Variants in ADGRV1 observed in about 807,000 individuals in gnomAD.
ADGRV1 encodes G-protein coupled receptor 98.
A neutral mutation model predicts 596.2 loss-of-function variants in ADGRV1; 359 were observed. The observed-to-expected ratio is 0.60, with a 90% CI of 0.55 to 0.66. ADGRV1 has a LOEUF of 0.66. ADGRV1 is among the 30% of genes least tolerant of loss of function. ADGRV1 has a pLI of 0.00. For synonymous variants in ADGRV1, 2,681 were observed against 2,679.2 expected (o/e 1.00, Z -0.02); for missense variants, 7,274 against 7,575.6 (o/e 0.96, Z 1.48).
intron 86 of ADGRV1, among the ~76,000 whole-genome samples, chr5:91,077,833 T>G (rs778059134): frequency 6.6e-6 from 1 of 152,226 alleles, no homozygotes; most frequent in South Asian, 2.1e-4. Flanking sequence ...TTTTGATCTC[T>G]GGCAACGATA....
intron 86 of ADGRV1, among the ~76,000 whole-genome samples, chr5:91,075,283 T>C (rs1003037487): frequency 3.9e-5 from 6 of 152,164 alleles, no homozygotes; most frequent in African/African-American, 1.4e-4. Context: ...GGTTTGTTTT[T>C]TCCTCTAAGT....
chr5:90,783,920 A>G lies in ADGRV1; in HGVS notation c.13516A>G (p.Ile4506Val). 1 of 1,612,504 alleles carries G rather than the reference A, an allele frequency of 6.2e-7. No homozygotes were observed. Among genetic ancestry groups the G allele is most frequent in the East Asian group, 2.2e-5 (1 of 44,824 alleles). The change falls in exon 67 of 90, where the codon ATA (isoleucine) becomes GTA (valine). Residue 4506 changes from isoleucine (I) to valine (V), a missense_variant. Physicochemically the swap from Ile to Val is conservative, Grantham distance 29. This residue lies in a region of ADGRV1 where 3,643 missense variants were observed against 3,809.2 expected (regional missense o/e 0.96). Transcript: ENST00000405460. The stretch of plus-strand genomic sequence containing the variant: ...TGGGCGCCACCTAGTGAGCAGAATC[A>G]TAATAGCTAAGAGTGACTCTCCCTT... Reference protein sequence around the residue: ...VLGRHLVSRIIIAKSDSPFGV... With the variant: ...VLGRHLVSRIVIAKSDSPFGV...
chr5:90,706,342 T>C lies in ADGRV1; in HGVS notation c.8678T>C (p.Leu2893Pro). 1 of 1,612,626 alleles carries C rather than the reference T, an allele frequency of 6.2e-7. No individual in the cohort carries two copies. Among genetic ancestry groups the C allele is most frequent in the Non-Finnish European group, 8.5e-7 (1 of 1,179,342 alleles). Residue 2893 changes from leucine (L) to proline (P), a missense_variant, in exon 38 of 90, where the codon CTG (leucine) becomes CCG (proline). By Grantham distance (98) the Leu-to-Pro change is moderately conservative. Coordinates refer to ENST00000405460, the MANE Select transcript of ADGRV1 (RefSeq NM_032119.4). ...EVDFVPIIGFLILEEGETAAA... is the reference protein window; with the variant it reads ...EVDFVPIIGFPILEEGETAAA... ...GATTTTGTCCCTATCATTGGCTTTC[T>C]GATTTTAGAAGAAGGGGAAACAGCA... is the stretch of plus-strand genomic sequence containing the variant.
At chr5:90,727,335 C>T (rs1363920800) in intron 48 of ADGRV1, among the ~76,000 whole-genome samples, 1 of 152,042 alleles carries the variant, frequency 6.6e-6, no homozygotes, top group Non-Finnish European at 1.5e-5. Flanking sequence ...TCTTTCACAT[C>T]GAGTTTATCA....
At chr5:90,755,441 T>A (rs1755731223) in intron 55 of ADGRV1, among the ~76,000 whole-genome samples, 1 of 152,206 alleles carries the variant, frequency 6.6e-6, no homozygotes, top group African/African-American at 2.4e-5. Context: ...TTTGAAGCAC[T>A]GAATTTAGAT....
At chr5:90,679,465 G>T (rs969564695) in intron 25 of ADGRV1, 84 bp from the exon 26 acceptor site, 49 of 837,494 alleles carry the variant, frequency 5.9e-5, no homozygotes, top group Non-Finnish European at 9.3e-5. Flanking sequence ...TTTCCTCTTT[G>T]CTTGATATGT....
At chr5:90,912,961 G>A (rs148448609) in intron 83 of ADGRV1, among the ~76,000 whole-genome samples, 10 of 152,264 alleles carry the variant, frequency 6.6e-5, no homozygotes, top group African/African-American at 2.4e-4. Context: ...GGACTTTGAT[G>A]TTGGGGTTCG....
At chr5:90,594,216 C>G (rs552808606) in intron 1 of ADGRV1, among the ~76,000 whole-genome samples, 4 of 152,046 alleles carry the variant, frequency 2.6e-5, no homozygotes, top group African/African-American at 9.7e-5. Flanking sequence ...TCTCGTAATC[C>G]CCACATGTCA....
intron 1 of ADGRV1, among the ~76,000 whole-genome samples, chr5:90,600,096 C>T (rs1047542125): frequency 2.6e-5 from 4 of 152,094 alleles, no homozygotes; most frequent in African/African-American, 9.7e-5. Flanking sequence ...AGAGGTAGTA[C>T]TTAGTTGGAC....
chr5:90,668,478 G>T (rs867994545), intron 21 of ADGRV1, among the ~76,000 whole-genome samples: 1 of 151,920 alleles, frequency 6.6e-6, no homozygotes, highest in Non-Finnish European at 1.5e-5. Context: ...CTCCCGCATG[G>T]TGCGCGCACC....
chr5:91,056,210 C>T (rs1209858835), intron 85 of ADGRV1, among the ~76,000 whole-genome samples: 2 of 152,114 alleles, frequency 1.3e-5, no homozygotes, highest in Non-Finnish European at 1.5e-5. Flanking sequence ...CCAGCTGCAG[C>T]GTTGCAGTTT....
intron 33 of ADGRV1, 80 bp from the exon 34 acceptor site, chr5:90,696,857 G>T: frequency 1.0e-6 from 1 of 959,982 alleles, no homozygotes; most frequent in Non-Finnish European, 1.5e-6. Context: ...TTTAAACATA[G>T]AAATTATTTT....
chr5:90,911,490 G>A (rs1439618131), intron 83 of ADGRV1, among the ~76,000 whole-genome samples: 1 of 151,976 alleles, frequency 6.6e-6, no homozygotes, highest in African/African-American at 2.4e-5. Flanking sequence ...ATATTTCTGT[G>A]GAAACTAAAA....
At chr5:90,851,134 T>TGTGGGAGAGAGAGAGAGA (rs757909771) in intron 79 of ADGRV1, among the ~76,000 whole-genome samples, 1 of 81,448 alleles carries the variant, frequency 1.2e-5, no homozygotes. Context: ...TGTGTGTGTG[T>TGTGGGAGAGAGAGAGAGA]GAGAGAGAGA....
At chr5:91,027,694 T>C (rs908430569) in intron 85 of ADGRV1, among the ~76,000 whole-genome samples, 26 of 152,214 alleles carry the variant, frequency 1.7e-4, no homozygotes, top group African/African-American at 6.3e-4. Flanking sequence ...GACTATCTAA[T>C]CAGGATCTCA....
At chr5:90,697,618 T>C (rs1747360413) in intron 34 of ADGRV1, among the ~76,000 whole-genome samples, 1 of 152,174 alleles carries the variant, frequency 6.6e-6, no homozygotes, top group South Asian at 2.1e-4. Context: ...CTGGATTTTA[T>C]ATTGTGTTTG....
chr5:90,888,475 G>A (rs928550921), intron 83 of ADGRV1, among the ~76,000 whole-genome samples: 2 of 152,036 alleles, frequency 1.3e-5, no homozygotes, highest in Non-Finnish European at 2.9e-5. Context: ...TGGCAAAAGT[G>A]CTTAAAAACA....
chr5:90,880,377 A>G (rs546626323), intron 83 of ADGRV1, among the ~76,000 whole-genome samples: 1 of 152,312 alleles, frequency 6.6e-6, no homozygotes, highest in South Asian at 2.1e-4. Context: ...GGCTTTAATC[A>G]GATAGATGGA....
intron 85 of ADGRV1, among the ~76,000 whole-genome samples, chr5:91,008,636 T>C (rs1278183187): frequency 6.6e-6 from 1 of 152,084 alleles, no homozygotes; most frequent in East Asian, 1.9e-4. Context: ...CCCAAGTAGC[T>C]GAGGTTACAG....
Sources: gnomAD v4.1 joint callset for allele counts (sites outside exome capture counted in the v4.1 genomes callset) on GRCh38, gnomAD v4.1.1 for gene constraint, gnomAD v4.1.1 regional missense constraint, MANE v1.5 for transcripts, NCBI Gene and HGNC (gene_info 2026-07-23, HGNC 2026-07-21) for gene names.